HTR6: variants seen among roughly 807,000 people sequenced by gnomAD.
The protein encoded by HTR6 is 5-hydroxytryptamine (serotonin) receptor 6, G protein-coupled.
A neutral mutation model predicts 17.4 loss-of-function variants in HTR6; 15 were observed. The observed-to-expected ratio is 0.86, with a 90% CI of 0.58 to 1.33. The LOEUF (loss-of-function observed/expected upper bound fraction) is 1.33, where lower values mean the gene tolerates loss of function less well. HTR6 is among the 40% of genes most tolerant of loss of function. The pLI is 0.00. For synonymous variants in HTR6, 326 were observed against 295.5 expected (o/e 1.10, Z -1.06); for missense variants, 578 against 616.0 (o/e 0.94, Z 0.65).
Position 19,679,991 on chromosome 1 carries a change from C to A in HTR6, c.*623C>A, listed in dbSNP as rs147873298. On this transcript the variant is annotated 3_prime_UTR_variant, in exon 3 of 3. Transcript: ENST00000289753. The surrounding 1 kb of genome is among the most constrained non-coding windows in gnomAD (Gnocchi z 4.9). ...TTTTTGGACCTGTCAGTCTCCCCTC[C>A]CTGGTATATATGTGGCAGCAGCTGC... Among the ~76,000 whole-genome samples, 2 of 152,274 alleles carry A rather than the reference C, an allele frequency of 1.3e-5. No homozygotes were observed. The highest frequency in any genetic ancestry group is 2.9e-5 in the Non-Finnish European group (2 of 68,018).
At position 19,679,379 on chromosome 1, in the gene HTR6, G is replaced by T. The variant is rs772986248; in HGVS notation, c.*11G>T. ...ATCCCCACGAACTGACCCGGGCTTG[G>T]GGCTGGCCAATGGGGAGCTGGATTG... On this transcript the variant is annotated 3_prime_UTR_variant, in exon 3 of 3. Coordinates refer to ENST00000289753, the MANE Select transcript of HTR6 (RefSeq NM_000871.3). The surrounding 1 kb of genome is among the most constrained non-coding windows in gnomAD (Gnocchi z 4.9). The T allele has an allele frequency of 1.9e-6, 3 of 1,567,296 alleles. No individual in the cohort carries two copies. The highest frequency in any genetic ancestry group is 2.7e-5 in the African/African-American group (2 of 73,952).
intron 1 of HTR6, among the ~76,000 whole-genome samples, chr1:19,675,541 G>C (rs969434700): frequency 1.3e-5 from 2 of 152,068 alleles, no homozygotes; most frequent in East Asian, 3.9e-4. Context: ...TTCCCAGGGA[G>C]ACTAGAAAGG....
chr1:19,679,337 G>A lies in HTR6; in HGVS notation c.1292G>A (p.Arg431Gln), dbSNP rs376637765. Residue 431 changes from arginine (R) to glutamine (Q), a missense_variant, in exon 3 of 3, where the codon CGG becomes CAG. Arg to Gln is a conservative substitution (Grantham distance 43). Coordinates refer to ENST00000289753, the MANE Select transcript of HTR6 (RefSeq NM_000871.3). The surrounding 1 kb of genome is among the most constrained non-coding windows in gnomAD (Gnocchi z 4.9). ...FNIDPAEPELRPHPLGIPTN is the reference protein window; with the variant it reads ...FNIDPAEPELQPHPLGIPTN ...ATCGACCCCGCGGAGCCCGAGCTGC[G>A]GCCGCATCCACTTGGCATCCCCACG... The A allele has an allele frequency of 1.2e-5, 19 of 1,599,106 alleles. No individual in the cohort carries two copies. Among genetic ancestry groups the A allele is most frequent in the Non-Finnish European group, 1.6e-5 (19 of 1,171,578 alleles).
At chr1:19,674,072 T>C (rs1176573652) in intron 1 of HTR6, among the ~76,000 whole-genome samples, 1 of 152,110 alleles carries the variant, frequency 6.6e-6, no homozygotes, top group East Asian at 1.9e-4. Flanking sequence ...TTCACCATGC[T>C]GCCCAGGCTG....
chr1:19,679,558 T>A lies in HTR6; in HGVS notation c.*190T>A. 1 of 769,880 alleles carries A rather than the reference T, an allele frequency of 1.3e-6. No homozygotes were observed. The highest frequency in any genetic ancestry group is 2.2e-5 in the South Asian group (1 of 45,538). The allele number at this position is 769,880 out of a possible 1,614,324, so 47.7% of individuals were successfully genotyped here. On this transcript the variant is annotated 3_prime_UTR_variant, in exon 3 of 3. Transcript: ENST00000289753. This position sits in a 1 kb window ranked among gnomAD's most constrained non-coding sequence, Gnocchi z 4.9. The stretch of plus-strand genomic sequence containing the variant: ...CTTACCTGCAGGGATCATAGCTGAC[T>A]CAGATATCGTGTTCTGAAGGATGCT...
chr1:19,665,760 C>G lies in HTR6; in HGVS notation c.7C>G (p.Pro3Ala), dbSNP rs764734222. 6.7e-7 allele frequency: 1 copy of G among 1,492,202 alleles called. No individual in the cohort carries two copies. The highest frequency in any genetic ancestry group is 1.4e-5 in the South Asian group (1 of 71,064). 92.4% of individuals were successfully genotyped at this position (1,492,202 alleles called of 1,614,324 possible). ...CCGTCCACCCTCGGTCCTCATGGTC[C>G]CAGAGCCGGGCCCAACCGCCAATAG... MV[P>A]EPGPTANSTP... Residue 3 changes from proline to alanine, a missense_variant, in exon 1 of 3, where the codon CCA becomes GCA. Coordinates refer to ENST00000289753, the MANE Select transcript of HTR6 (RefSeq NM_000871.3). The surrounding 1 kb of genome is among the most constrained non-coding windows in gnomAD (Gnocchi z 4.2).
Position 19,666,123 on chromosome 1 carries a change from C to T in HTR6, c.370C>T (p.Arg124Cys). 1.2e-6 allele frequency: 2 copies of T among 1,612,370 alleles called. No homozygotes were observed. Among genetic ancestry groups the T allele is most frequent in the Non-Finnish European group, 8.5e-7 (1 of 1,179,900 alleles). ...ILNLCLISLD[R>C]YLLILSPLRY... The stretch of plus-strand genomic sequence containing the variant: ...CAACCTCTGCCTCATCAGCCTGGAC[C>T]GCTACCTGCTCATCCTCTCGCCGCT... The change falls in exon 1 of 3, where the codon CGC (arginine) becomes TGC (cysteine). Residue 124 changes from arginine to cysteine, a missense_variant. Arg to Cys is a radical substitution (Grantham distance 180, BLOSUM62 -3). Coordinates refer to ENST00000289753, the MANE Select transcript of HTR6 (RefSeq NM_000871.3). This position sits in a 1 kb window ranked among gnomAD's most constrained non-coding sequence, Gnocchi z 4.5.
At position 19,664,951 on chromosome 1, in the gene HTR6, C is replaced by T. The variant is rs965217825; in HGVS notation, c.-803C>T. On this transcript the variant is annotated 5_prime_UTR_variant, in exon 1 of 3. Transcript: ENST00000289753. The surrounding 1 kb of genome is among the most constrained non-coding windows in gnomAD (Gnocchi z 4.7). The stretch of plus-strand genomic sequence containing the variant: ...TCGGGAGACCCGGTCCCGCCGCCCG[C>T]CCGGCCCGCGGCCGCCTCTTCCTCT... Among the ~76,000 whole-genome samples the T allele has an allele frequency of 1.3e-5, 2 of 150,014 alleles. No individual in the cohort carries two copies. Among genetic ancestry groups the T allele is most frequent in the African/African-American group, 4.9e-5 (2 of 41,228 alleles).
rs1464450096 is a variant in HTR6, at chr1:19,680,861, A to G, written c.*1493A>G. Reference sequence around the variant, plus strand: ...CTCTCCTTGGTGCTGATGAGACACAACTCTGGCCCCGGCGGCTGGCCTCTG... The same window carrying G: ...CTCTCCTTGGTGCTGATGAGACACAGCTCTGGCCCCGGCGGCTGGCCTCTG... On this transcript the variant is annotated 3_prime_UTR_variant, in exon 3 of 3. Transcript: ENST00000289753. Among the ~76,000 whole-genome samples the G allele has an allele frequency of 6.6e-6, 1 of 151,962 alleles. No individual in the cohort carries two copies. Among genetic ancestry groups the G allele is most frequent in the African/African-American group, 2.4e-5 (1 of 41,360 alleles).
chr1:19,667,620 T>C (rs2095083224), intron 1 of HTR6, among the ~76,000 whole-genome samples: 1 of 152,182 alleles, frequency 6.6e-6, no homozygotes, highest in Non-Finnish European at 1.5e-5. Flanking sequence ...TTCACCATAT[T>C]GGCCAGGTTG....
rs200837456 is a variant in HTR6 at position 19,678,620 on chromosome 1, C to T, written c.768C>T (p.Ala256=). The T allele has an allele frequency of 5.0e-6, 8 of 1,613,494 alleles. No homozygotes were observed. Among genetic ancestry groups the T allele is most frequent in the Non-Finnish European group, 6.8e-6 (8 of 1,180,010 alleles). The stretch of plus-strand genomic sequence containing the variant: ...AGTCTGCTGACAGCAGGCGTCTAGC[C>T]ACGAAGCACAGCAGGAAGGCCCTGA... ...GVESADSRRL[A]TKHSRKALKA... The change falls in exon 2 of 3, where the codon GCC becomes GCT. Residue 256 remains alanine, a synonymous_variant. Transcript: ENST00000289753.
chr1:19,671,905 C>G (rs1360207214), intron 1 of HTR6, among the ~76,000 whole-genome samples: 1 of 152,256 alleles, frequency 6.6e-6, no homozygotes, highest in East Asian at 1.9e-4. Flanking sequence ...CTGCTTAGCA[C>G]TGTGGCTGGG....
rs984702671 is a variant in HTR6, at chr1:19,680,392, A to G, written c.*1024A>G. Reference sequence around the variant, plus strand: ...TCCCTGTTCTGGCTCCTGGGTGGGGACCCCATCTCTCAGGGACCCTCCCAG... The same window carrying G: ...TCCCTGTTCTGGCTCCTGGGTGGGGGCCCCATCTCTCAGGGACCCTCCCAG... On this transcript the variant is annotated 3_prime_UTR_variant, in exon 3 of 3. Transcript: ENST00000289753. Among the ~76,000 whole-genome samples, 1 of 151,760 alleles carries G rather than the reference A, an allele frequency of 6.6e-6. No homozygotes were observed. Among genetic ancestry groups the G allele is most frequent in the Non-Finnish European group, 1.5e-5 (1 of 67,936 alleles).
chr1:19,678,458 T>C, intron 1 of HTR6, 109 bp from the exon 2 acceptor site: 1 of 1,357,456 alleles, frequency 7.4e-7, no homozygotes, highest in African/African-American at 1.4e-5. Context: ...AGTTTAATCC[T>C]GGCACTAGGG....
Position 19,665,750 on chromosome 1 carries a change from C to A in HTR6, c.-4C>A. The A allele has an allele frequency of 6.8e-7, 1 of 1,478,754 alleles. No individual in the cohort carries two copies. Among genetic ancestry groups the A allele is most frequent in the South Asian group, 1.4e-5 (1 of 69,642 alleles). The allele number at this position is 1,478,754 out of a possible 1,614,324, so 91.6% of individuals were successfully genotyped here. ...CACTCCCTTGCCGTCCACCCTCGGT[C>A]CTCATGGTCCCAGAGCCGGGCCCAA... On this transcript the variant is annotated 5_prime_UTR_variant, in exon 1 of 3. Transcript: ENST00000289753. This position sits in a 1 kb window ranked among gnomAD's most constrained non-coding sequence, Gnocchi z 4.2.
rs2095081673 is a variant in HTR6, at chr1:19,666,328, C to T, written c.575C>T (p.Ala192Val). The part of the protein sequence containing the change: ...LLASLPFVLV[A>V]SGLTFFLPSG... ...GCCAGCCTGCCTTTTGTCCTTGTGG[C>T]GTCGGGCCTCACCTTCTTCCTGCCC... The change falls in exon 1 of 3, where the codon GCG (alanine) becomes GTG (valine). Residue 192 changes from alanine to valine, a missense_variant. Transcript: ENST00000289753. This position sits in a 1 kb window ranked among gnomAD's most constrained non-coding sequence, Gnocchi z 4.5. 1.2e-6 allele frequency: 2 copies of T among 1,613,602 alleles called. No individual in the cohort carries two copies. Among genetic ancestry groups the T allele is most frequent in the East Asian group, 2.2e-5 (1 of 44,848 alleles).
intron 1 of HTR6, among the ~76,000 whole-genome samples, chr1:19,678,097 T>G (rs2095096603): frequency 6.6e-6 from 1 of 152,206 alleles, no homozygotes. Flanking sequence ...CTCATTGTAA[T>G]GTGTGTGTTG....
intron 1 of HTR6, among the ~76,000 whole-genome samples, chr1:19,670,362 TCCTACCCCCTGACGTGTTCTATA>T (rs2095086641): frequency 6.6e-6 from 1 of 151,906 alleles, no homozygotes; most frequent in Non-Finnish European, 1.5e-5. Flanking sequence ...CAGCAGCACC[TCCTACCCCCTGACGTGTTCTATA>T]CCTACCCATT....
At chr1:19,672,676 A>G (rs1171576666) in intron 1 of HTR6, among the ~76,000 whole-genome samples, 1 of 152,156 alleles carries the variant, frequency 6.6e-6, no homozygotes, top group Non-Finnish European at 1.5e-5. Context: ...CATCTATCAC[A>G]CAAGTCTGTT....
Sources: allele counts gnomAD v4.1 joint callset (sites outside exome capture counted in the v4.1 genomes callset), GRCh38; gene constraint gnomAD v4.1.1; non-coding constraint Gnocchi (gnomAD v3.1); transcripts MANE v1.5; gene names NCBI Gene and HGNC (gene_info 2026-07-23, HGNC 2026-07-21).